Variants in AGBL1 observed in about 807,000 individuals in gnomAD.
The protein encoded by AGBL1 is AGBL carboxypeptidase 1.
A neutral mutation model predicts 118.9 loss-of-function variants in AGBL1; 130 were observed. The ratio of observed to expected loss-of-function variants is 1.09; its 90% confidence interval spans 0.95 to 1.26. The LOEUF (loss-of-function observed/expected upper bound fraction) is 1.26, where lower values mean the gene tolerates loss of function less well. Among genes scored for constraint, AGBL1 ranks in the 50% most tolerant of loss-of-function variants. AGBL1 has a pLI of 0.00. For synonymous variants in AGBL1, 555 were observed against 478.9 expected (o/e 1.16, Z -2.08); for missense variants, 1,584 against 1,298.1 (o/e 1.22, Z -3.38).
At chr15:86,133,227 C>T (rs2076842095) in intron 1 of AGBL1, among the ~76,000 whole-genome samples, 1 of 152,150 alleles carries the variant, frequency 6.6e-6, no homozygotes, top group African/African-American at 2.4e-5. Context: ...TGTGCCTCAG[C>T]CTCACTAGCC....
rs1018699348 is a variant in AGBL1, at chr15:86,281,382, A to G, written c.2220+1599A>G. On this transcript the variant is annotated intron_variant, in intron 16 of 22. Transcript: ENST00000614907. ...TGGGCAACCAAGGGAGACCCTATCT[A>G]AAAAACAAAACCAAAAGCAGAAACC... Among the ~76,000 whole-genome samples the G allele has an allele frequency of 5.9e-5, 9 of 152,284 alleles. No individual in the cohort carries two copies. The East Asian group carries it at 1.5e-3, about 26-fold the overall frequency.
At chr15:86,647,127 T>C (rs1373509966) in intron 21 of AGBL1, among the ~76,000 whole-genome samples, 1 of 152,174 alleles carries the variant, frequency 6.6e-6, no homozygotes, top group Non-Finnish European at 1.5e-5. Context: ...TTAATTGATT[T>C]ATATAACAAT....
intron 21 of AGBL1, among the ~76,000 whole-genome samples, chr15:86,607,850 CA>C (rs2084599309): frequency 6.6e-6 from 1 of 152,038 alleles, no homozygotes; most frequent in Non-Finnish European, 1.5e-5. Context: ...AACTGTTATG[CA>C]AATTTTGTGT....
chr15:86,344,215 C>T (rs1010546794), intron 17 of AGBL1, among the ~76,000 whole-genome samples: 6 of 152,158 alleles, frequency 3.9e-5, no homozygotes, highest in South Asian at 4.1e-4. Flanking sequence ...AATTGTACCA[C>T]GGGCCTTAGA....
In AGBL1 at chr15:86,698,386, T is replaced by C. The variant is rs1191782431; in HGVS notation, c.3158+23950T>C. Among the ~76,000 whole-genome samples, 3 of 151,990 alleles carry C rather than the reference T, an allele frequency of 2.0e-5. No individual in the cohort carries two copies. In the East Asian group the frequency reaches 5.8e-4, roughly 29 times the overall value. On this transcript the variant is annotated intron_variant, in intron 22 of 22. Coordinates refer to ENST00000614907, the MANE Select transcript of AGBL1 (RefSeq NM_001386094.1). ...TTTTTATAGAAAAGGATACTGAGGTTCAGAGTGATTAAACACTTTGCCTCA... is the reference window on the plus strand; with the variant it reads ...TTTTTATAGAAAAGGATACTGAGGTCCAGAGTGATTAAACACTTTGCCTCA...
intron 22 of AGBL1, among the ~76,000 whole-genome samples, chr15:86,821,608 G>C (rs2078944550): frequency 6.6e-6 from 1 of 152,068 alleles, no homozygotes; most frequent in Non-Finnish European, 1.5e-5. Flanking sequence ...ATGAATTTTT[G>C]CCTTTTTATG....
At chr15:86,262,071 T>C (rs1475893206) in intron 9 of AGBL1, among the ~76,000 whole-genome samples, 1 of 136,640 alleles carries the variant, frequency 7.3e-6, no homozygotes, top group East Asian at 2.1e-4. Flanking sequence ...GGCCTATGCA[T>C]AGCTGGCTTT....
At chr15:86,419,433 A>G (rs909852937) in intron 18 of AGBL1, among the ~76,000 whole-genome samples, 5 of 152,180 alleles carry the variant, frequency 3.3e-5, no homozygotes, top group Non-Finnish European at 7.3e-5. Context: ...TGGCCCAGAT[A>G]CTATGCTTTT....
chr15:86,972,310 T>C (rs962169252), intron 23 of AGBL1, among the ~76,000 whole-genome samples: 9 of 151,958 alleles, frequency 5.9e-5, no homozygotes, highest in Admixed American at 3.9e-4. Context: ...ATTCCTGAAA[T>C]AGGCCTTGCT....
intron 22 of AGBL1, among the ~76,000 whole-genome samples, chr15:86,761,521 C>A (rs1473555061): frequency 6.6e-6 from 1 of 152,022 alleles, no homozygotes; most frequent in Admixed American, 6.6e-5. Flanking sequence ...GTAGCTGAAT[C>A]TTCATCAGCT....
intron 21 of AGBL1, among the ~76,000 whole-genome samples, chr15:86,651,242 T>C (rs1344134572): frequency 6.6e-6 from 1 of 152,172 alleles, no homozygotes; most frequent in Non-Finnish European, 1.5e-5. Flanking sequence ...TCCATGACTC[T>C]GATGTGGGCC....
chr15:86,680,567 T>TTC (rs1246040883), intron 22 of AGBL1, among the ~76,000 whole-genome samples: 8 of 133,282 alleles, frequency 6.0e-5, no homozygotes, highest in African/African-American at 1.7e-4. Context: ...TTTCTTTTCT[T>TTC]TTTTTTTTTT....
chr15:86,541,508 C>A (rs1010565202), intron 19 of AGBL1, among the ~76,000 whole-genome samples: 1 of 148,934 alleles, frequency 6.7e-6, no homozygotes, highest in African/African-American at 2.5e-5. Flanking sequence ...AGGAAGATAA[C>A]CTGAGCCCAG....
At chr15:86,766,433 G>A (rs1472042649) in intron 22 of AGBL1, among the ~76,000 whole-genome samples, 1 of 151,870 alleles carries the variant, frequency 6.6e-6, no homozygotes, top group Non-Finnish European at 1.5e-5. Context: ...CTAACCCTAT[G>A]TCTCAGACAA....
intron 1 of AGBL1, among the ~76,000 whole-genome samples, chr15:86,115,369 C>T (rs551699535): frequency 6.6e-6 from 1 of 152,320 alleles, no homozygotes; most frequent in South Asian, 2.1e-4. Context: ...GCACGATGTG[C>T]ATTTCCTGGC....
At chr15:87,031,174 G>A (rs2081778942), downstream of AGBL1, among the ~76,000 whole-genome samples, 1 of 151,846 alleles carries the variant, frequency 6.6e-6, no homozygotes, top group African/African-American at 2.4e-5. Flanking sequence ...ATGGAAGAAG[G>A]CAACTTTTCA....
At chr15:86,315,134 AT>A (rs1183076688) in intron 17 of AGBL1, among the ~76,000 whole-genome samples, 1 of 152,146 alleles carries the variant, frequency 6.6e-6, no homozygotes, top group Admixed American at 6.5e-5. Flanking sequence ...CTGAAATGTA[AT>A]TGCCCATTTT....
chr15:87,020,799 CAGG>C (rs2081656814), intron 24 of AGBL1, among the ~76,000 whole-genome samples: 2 of 151,942 alleles, frequency 1.3e-5, no homozygotes, highest in South Asian at 4.1e-4. Flanking sequence ...AAGGGATGTG[CAGG>C]ACTTCTTTAA....
chr15:86,083,850 C>T (rs943892578), intron 1 of AGBL1: 1 of 152,258 alleles, frequency 6.6e-6, no homozygotes, highest in Non-Finnish European at 1.5e-5. Flanking sequence ...ATGGGAACAT[C>T]CAACTATTGT....
Sources: allele counts gnomAD v4.1 joint callset (sites outside exome capture counted in the v4.1 genomes callset), GRCh38; gene constraint gnomAD v4.1.1; transcripts MANE v1.5; gene names NCBI Gene and HGNC (gene_info 2026-07-23, HGNC 2026-07-21).